BCKDHB: variants seen among roughly 807,000 people sequenced by gnomAD.
BCKDHB encodes the protein branched chain keto acid dehydrogenase E1 subunit beta.
Under a neutral mutation model 48.5 loss-of-function variants are expected in BCKDHB, and 41 were observed. That is an observed-to-expected ratio of 0.85 (90% CI 0.66 to 1.10). The LOEUF (loss-of-function observed/expected upper bound fraction) is 1.10, where lower values mean the gene tolerates loss of function less well. BCKDHB is among the 50% of genes least tolerant of loss of function. The probability of loss-of-function intolerance (pLI) is 0.00; values close to 1 mark genes in which losing one functional copy is unlikely to be tolerated. For synonymous variants in BCKDHB, 201 were observed against 174.8 expected (o/e 1.15, Z -1.18); for missense variants, 496 against 494.2 (o/e 1.00, Z -0.03).
intron 8 of BCKDHB, among the ~76,000 whole-genome samples, chr6:80,262,026 A>G (rs888949198): frequency 1.3e-5 from 2 of 152,148 alleles, no homozygotes; most frequent in African/African-American, 4.8e-5. Context: ...CAAAGGGTAG[A>G]GCGTGCAGTT....
the BCKDHB span, among the ~76,000 whole-genome samples, chr6:80,441,419 G>T: frequency 6.6e-6 from 1 of 152,074 alleles, no homozygotes. Flanking sequence ...ACTGAAAGAG[G>T]TTAATATCAC....
At chr6:80,215,178 G>C (rs1169218377) in intron 8 of BCKDHB, among the ~76,000 whole-genome samples, 1 of 152,208 alleles carries the variant, frequency 6.6e-6, no homozygotes, top group African/African-American at 2.4e-5. Context: ...AATTATTTTG[G>C]ATATGGTTTG....
intron 9 of BCKDHB, among the ~76,000 whole-genome samples, chr6:80,335,363 A>AC (rs1451225531): frequency 3.3e-5 from 5 of 152,048 alleles, no homozygotes; most frequent in African/African-American, 1.2e-4. Flanking sequence ...TTTGTTCATG[A>AC]GATGACCCAG....
Position 80,272,759 on chromosome 6 carries a change from T to A in BCKDHB, c.952-376T>A, listed in dbSNP as rs1777801589. Among the ~76,000 whole-genome samples the A allele has an allele frequency of 2.0e-5, 3 of 152,094 alleles. No homozygotes were observed. In the South Asian group the frequency reaches 6.2e-4, roughly 31 times the overall value. On this transcript the variant is annotated intron_variant, in intron 8 of 9. Transcript: ENST00000320393. ...CCATTGTTATTTATGTGCAAACAAATGAATAAAAAAAACTTTCGCTCTTTA... is the reference window on the plus strand; with the variant it reads ...CCATTGTTATTTATGTGCAAACAAAAGAATAAAAAAAACTTTCGCTCTTTA...
At chr6:80,401,157 C>T in the BCKDHB span, among the ~76,000 whole-genome samples, 3 of 146,822 alleles carry the variant, frequency 2.0e-5, no homozygotes, top group South Asian at 6.2e-4. Flanking sequence ...TACAACAAAC[C>T]CCTGTGACAT....
intron 6 of BCKDHB, among the ~76,000 whole-genome samples, chr6:80,193,675 G>C (rs1311775149): frequency 6.7e-6 from 1 of 149,826 alleles, no homozygotes; most frequent in Admixed American, 6.7e-5. Context: ...AGCCGGGACT[G>C]TGCCACTGCA....
At chr6:80,356,988 G>A in the BCKDHB span, 2 of 128,156 alleles carry the variant, frequency 1.6e-5, no homozygotes, top group Non-Finnish European at 3.1e-5. Context: ...TAGAAGGGAA[G>A]ATTAAAAACA....
At chr6:80,360,370 G>T in the BCKDHB span, among the ~76,000 whole-genome samples, 1 of 152,122 alleles carries the variant, frequency 6.6e-6, no homozygotes. Flanking sequence ...TTGATTCCCA[G>T]CCCCCAACAG....
At chr6:80,421,613 A>G in the BCKDHB span, among the ~76,000 whole-genome samples, 13,192 of 152,230 alleles carry the variant, frequency 0.087, 1,772 homozygotes, top group African/African-American at 0.29. Flanking sequence ...CAAGCTTGAG[A>G]TGGTCTCAGA....
intron 9 of BCKDHB, among the ~76,000 whole-genome samples, chr6:80,305,411 T>C (rs957977767): frequency 8.6e-5 from 13 of 151,974 alleles, no homozygotes; most frequent in African/African-American, 3.1e-4. Context: ...GGGTTTTTTT[T>C]TGAAAAATTA....
At chr6:80,149,099 A>G (rs1582235451) in intron 3 of BCKDHB, among the ~76,000 whole-genome samples, 1 of 152,350 alleles carries the variant, frequency 6.6e-6, no homozygotes, top group African/African-American at 2.4e-5. Flanking sequence ...TCCAGAATCT[A>G]CAAAGAACTC....
the BCKDHB span, among the ~76,000 whole-genome samples, chr6:80,370,124 C>G: frequency 1.1e-3 from 162 of 152,148 alleles, 1 homozygote; most frequent in Non-Finnish European, 1.8e-3. Context: ...TTCCTACCTT[C>G]AGAAAATGAA....
At chr6:80,128,579 A>G (rs1418742678) in intron 2 of BCKDHB, among the ~76,000 whole-genome samples, 3 of 151,746 alleles carry the variant, frequency 2.0e-5, no homozygotes, top group Non-Finnish European at 2.9e-5. Context: ...TCCCTTTCCT[A>G]TTTGTGACTG....
At chr6:80,347,298 A>G (rs1359659200), downstream of BCKDHB, among the ~76,000 whole-genome samples, 1 of 152,230 alleles carries the variant, frequency 6.6e-6, no homozygotes, top group Non-Finnish European at 1.5e-5. Flanking sequence ...TTTGTCAGCA[A>G]CAAGTTTGGA....
intron 8 of BCKDHB, among the ~76,000 whole-genome samples, chr6:80,269,372 C>T (rs1488171253): frequency 1.3e-5 from 2 of 152,100 alleles, no homozygotes; most frequent in African/African-American, 4.8e-5. Flanking sequence ...GAGAAAACTG[C>T]GAGCCTTTCA....
chr6:80,251,422 A>G (rs682482), intron 8 of BCKDHB, among the ~76,000 whole-genome samples: 50,290 of 152,062 alleles, frequency 0.33, 8,892 homozygotes, highest in Non-Finnish European at 0.41. Context: ...TGTCTAGTGA[A>G]CACAGTCTGT....
At chr6:80,405,037 A>T in the BCKDHB span, among the ~76,000 whole-genome samples, 2 of 151,978 alleles carry the variant, frequency 1.3e-5, no homozygotes, top group Non-Finnish European at 2.9e-5. Flanking sequence ...TGTTCTGTGT[A>T]TGTTCTTTGG....
chr6:80,362,426 G>A, the BCKDHB span, among the ~76,000 whole-genome samples: 1 of 152,172 alleles, frequency 6.6e-6, no homozygotes, highest in Non-Finnish European at 1.5e-5. Context: ...GCTCAGTGTA[G>A]TCAGAAGTTG....
intron 8 of BCKDHB, among the ~76,000 whole-genome samples, chr6:80,240,236 G>C (rs1375441068): frequency 6.6e-6 from 1 of 152,056 alleles, no homozygotes; most frequent in South Asian, 2.1e-4. Flanking sequence ...ATTACCTTGG[G>C]CAGTATGGCC....
Sources: allele counts gnomAD v4.1 joint callset (sites outside exome capture counted in the v4.1 genomes callset), GRCh38; gene constraint gnomAD v4.1.1; transcripts MANE v1.5; gene names NCBI Gene and HGNC (gene_info 2026-07-23, HGNC 2026-07-21).